Variants in NCKAP5 observed in about 807,000 individuals in gnomAD.
NCKAP5 encodes NCK associated protein 5.
NCKAP5 carries 92 observed loss-of-function variants against 167.0 expected under a neutral mutation model. The ratio of observed to expected loss-of-function variants is 0.55; its 90% CI spans 0.47 to 0.66. The LOEUF (loss-of-function observed/expected upper bound fraction) is 0.66. Ranked by LOEUF, NCKAP5 falls within the 30% of genes least tolerant of loss-of-function variation. The probability of loss-of-function intolerance (pLI) is 0.00; values close to 1 mark genes in which losing one functional copy is unlikely to be tolerated. For synonymous variants in NCKAP5, 891 were observed against 877.4 expected (o/e 1.02, Z -0.27); for missense variants, 2,378 against 2,315.0 (o/e 1.03, Z -0.56).
intron 3 of NCKAP5, among the ~76,000 whole-genome samples, chr2:133,413,891 T>C (rs1157666896): frequency 6.6e-6 from 1 of 152,228 alleles, no homozygotes. Flanking sequence ...TCTGTTTTTC[T>C]ATATAGAGGG....
intron 8 of NCKAP5, among the ~76,000 whole-genome samples, chr2:132,898,263 G>T (rs1258718470): frequency 2.0e-5 from 3 of 152,194 alleles, no homozygotes; most frequent in African/African-American, 4.8e-5. Context: ...AGTTTTACCA[G>T]GTTGGAGCAA....
intron 3 of NCKAP5, among the ~76,000 whole-genome samples, chr2:133,502,665 T>C (rs753953347): frequency 2.0e-5 from 3 of 152,224 alleles, no homozygotes; most frequent in African/African-American, 7.2e-5. Context: ...CGTGAGCCTC[T>C]GTGCCTTCCA....
At chr2:133,019,105 C>T (rs1033845090) in intron 6 of NCKAP5, among the ~76,000 whole-genome samples, 1 of 152,138 alleles carries the variant, frequency 6.6e-6, no homozygotes, top group African/African-American at 2.4e-5. Context: ...TCCTATGATA[C>T]CGTGGATTTC....
chr2:133,238,496 C>T (rs1053686137), intron 4 of NCKAP5, among the ~76,000 whole-genome samples: 2 of 152,164 alleles, frequency 1.3e-5, no homozygotes, highest in Non-Finnish European at 2.9e-5. Context: ...TGGCTTGTCT[C>T]CCTGTTAAAA....
At chr2:133,355,447 A>C (rs969148666) in intron 3 of NCKAP5, among the ~76,000 whole-genome samples, 2 of 152,240 alleles carry the variant, frequency 1.3e-5, no homozygotes, top group African/African-American at 4.8e-5. Flanking sequence ...TACATACAAC[A>C]AGAGACAGTT....
At chr2:133,354,822 A>C (rs1684600638) in intron 3 of NCKAP5, among the ~76,000 whole-genome samples, 1 of 152,228 alleles carries the variant, frequency 6.6e-6, no homozygotes, top group Non-Finnish European at 1.5e-5. Flanking sequence ...CGCCAAATGC[A>C]CATAAGACAC....
intron 3 of NCKAP5, among the ~76,000 whole-genome samples, chr2:133,311,594 C>T (rs545076057): frequency 3.3e-5 from 5 of 152,246 alleles, no homozygotes; most frequent in African/African-American, 9.6e-5. Context: ...TCCTGGCAAC[C>T]AGCCCCCATC....
At chr2:133,321,377 T>C (rs535253996) in intron 3 of NCKAP5, among the ~76,000 whole-genome samples, 3 of 152,310 alleles carry the variant, frequency 2.0e-5, no homozygotes, top group African/African-American at 7.2e-5. Context: ...TACCTAAAAA[T>C]ACCTTGCAAC....
At chr2:133,011,833 C>T (rs997372216) in intron 6 of NCKAP5, among the ~76,000 whole-genome samples, 1 of 152,222 alleles carries the variant, frequency 6.6e-6, no homozygotes, top group African/African-American at 2.4e-5. Flanking sequence ...CTTGCTTTGA[C>T]ACCATACTCT....
chr2:133,071,032 T>C (rs930245131), intron 6 of NCKAP5, among the ~76,000 whole-genome samples: 1 of 152,132 alleles, frequency 6.6e-6, no homozygotes, highest in African/African-American at 2.4e-5. Context: ...TATCCATCAA[T>C]TACTTTGGAG....
intron 6 of NCKAP5, among the ~76,000 whole-genome samples, chr2:133,014,090 C>A (rs1239391677): frequency 6.6e-6 from 1 of 152,206 alleles, no homozygotes; most frequent in Non-Finnish European, 1.5e-5. Flanking sequence ...AGGTCCATCT[C>A]TTCAAACAAC....
chr2:133,584,700 G>T, the NCKAP5 span, among the ~76,000 whole-genome samples: 1 of 152,092 alleles, frequency 6.6e-6, no homozygotes, highest in Non-Finnish European at 1.5e-5. Context: ...AGAGGTGGAG[G>T]TTGTGGTGAG....
chr2:133,346,027 T>G (rs920081655), intron 3 of NCKAP5, among the ~76,000 whole-genome samples: 1 of 152,142 alleles, frequency 6.6e-6, no homozygotes, highest in Non-Finnish European at 1.5e-5. Flanking sequence ...AAGTTTCATA[T>G]CCAATCAATG....
intron 3 of NCKAP5, among the ~76,000 whole-genome samples, chr2:133,465,173 A>C (rs1295236807): frequency 5.8e-5 from 5 of 85,704 alleles, no homozygotes; most frequent in African/African-American, 4.7e-5. Context: ...CCCACCCCAC[A>C]ACAGTCCCCA....
At chr2:132,734,624 A>T (rs1691332751) in intron 16 of NCKAP5, among the ~76,000 whole-genome samples, 1 of 152,190 alleles carries the variant, frequency 6.6e-6, no homozygotes, top group African/African-American at 2.4e-5. Context: ...TTTGGTGCTT[A>T]TTACAGCTAT....
chr2:133,625,038 CTAAGA>C, the NCKAP5 span, among the ~76,000 whole-genome samples: 1 of 152,252 alleles, frequency 6.6e-6, no homozygotes, highest in Middle Eastern at 3.4e-3. Flanking sequence ...AGAATACAAC[CTAAGA>C]TAACACAACT....
chr2:133,066,229 A>T (rs1421907297), intron 6 of NCKAP5, among the ~76,000 whole-genome samples: 1 of 152,210 alleles, frequency 6.6e-6, no homozygotes, highest in Non-Finnish European at 1.5e-5. Flanking sequence ...CAAACTGTAG[A>T]AGCTATTTAA....
intron 7 of NCKAP5, among the ~76,000 whole-genome samples, chr2:132,965,751 T>C (rs1332130550): frequency 6.6e-6 from 1 of 152,168 alleles, no homozygotes; most frequent in South Asian, 2.1e-4. Flanking sequence ...GAATCCTATA[T>C]ACCATGTTAC....
chr2:133,601,070 G>C, the NCKAP5 span, among the ~76,000 whole-genome samples: 1 of 152,064 alleles, frequency 6.6e-6, no homozygotes, highest in Non-Finnish European at 1.5e-5. Flanking sequence ...CAGTCTTTAC[G>C]GCGCCTTGTC....
Sources: gnomAD v4.1 joint callset for allele counts (sites outside exome capture counted in the v4.1 genomes callset) on GRCh38, gnomAD v4.1.1 for gene constraint, MANE v1.5 for transcripts, NCBI Gene and HGNC (gene_info 2026-07-23, HGNC 2026-07-21) for gene names.